Variants in NKAIN3 observed in about 807,000 individuals in gnomAD.
NKAIN3 encodes sodium/potassium transporting ATPase interacting 3.
A neutral mutation model predicts 30.2 loss-of-function variants in NKAIN3; 25 were observed. The ratio of observed to expected loss-of-function variants is 0.83; its 90% confidence interval spans 0.60 to 1.16. The LOEUF (loss-of-function observed/expected upper bound fraction) is 1.16. NKAIN3 is among the 50% of genes most tolerant of loss of function. The probability of loss-of-function intolerance (pLI) is 0.00; values close to 1 mark genes in which losing one functional copy is unlikely to be tolerated. For missense variants in NKAIN3, 225 were observed against 254.1 expected, an observed-to-expected ratio of 0.89 and a Z score of 0.78; for synonymous variants, 91 against 89.6, an observed-to-expected ratio of 1.02 and a Z score of -0.09.
At chr8:62,272,700 C>G (rs572083895) in intron 1 of NKAIN3, among the ~76,000 whole-genome samples, 1 of 152,300 alleles carries the variant, frequency 6.6e-6, no homozygotes, top group African/African-American at 2.4e-5. Context: ...TGCAGGTTGT[C>G]TCTGTCCCTG....
chr8:62,726,512 A>G (rs187860559), intron 3 of NKAIN3, among the ~76,000 whole-genome samples: 15 of 152,186 alleles, frequency 9.9e-5, no homozygotes, highest in Non-Finnish European at 1.3e-4. Flanking sequence ...GGAAGGATGT[A>G]GAATTTTATC....
chr8:62,583,849 G>C (rs1810389051), intron 2 of NKAIN3, among the ~76,000 whole-genome samples: 1 of 152,108 alleles, frequency 6.6e-6, no homozygotes, highest in Non-Finnish European at 1.5e-5. Context: ...TTATCTATTT[G>C]ATAAAAGTAC....
intron 3 of NKAIN3, among the ~76,000 whole-genome samples, chr8:62,686,818 A>C (rs892772274): frequency 3.9e-5 from 6 of 152,212 alleles, no homozygotes; most frequent in Non-Finnish European, 8.8e-5. Context: ...CACAAAGAAC[A>C]TTATAAATAT....
chr8:62,786,025 C>G (rs1053342253), intron 4 of NKAIN3, among the ~76,000 whole-genome samples: 3 of 152,046 alleles, frequency 2.0e-5, no homozygotes, highest in African/African-American at 7.2e-5. Flanking sequence ...TGCTTTCAGG[C>G]AAGTTGGTTC....
intron 1 of NKAIN3, among the ~76,000 whole-genome samples, chr8:62,331,991 G>A (rs1358301409): frequency 6.6e-6 from 1 of 152,056 alleles, no homozygotes; most frequent in Non-Finnish European, 1.5e-5. Context: ...ATCATGATCT[G>A]AATTCAAAGG....
intron 3 of NKAIN3, among the ~76,000 whole-genome samples, chr8:62,620,183 T>G (rs947241169): frequency 6.6e-6 from 1 of 152,118 alleles, no homozygotes. Context: ...CTGGGGAGAC[T>G]TAGCAAGGCC....
At chr8:62,360,189 T>A (rs1315632014) in intron 1 of NKAIN3, among the ~76,000 whole-genome samples, 1 of 152,236 alleles carries the variant, frequency 6.6e-6, no homozygotes, top group Non-Finnish European at 1.5e-5. Flanking sequence ...TTAGTGGTCA[T>A]CCCTGGTTCT....
At chr8:62,443,574 G>A (rs553568541) in intron 1 of NKAIN3, among the ~76,000 whole-genome samples, 1 of 151,708 alleles carries the variant, frequency 6.6e-6, no homozygotes, top group Non-Finnish European at 1.5e-5. Flanking sequence ...GTTCAGAAAG[G>A]GTTTCACCAT....
chr8:62,920,991 C>T (rs1422969938), intron 5 of NKAIN3, among the ~76,000 whole-genome samples: 1 of 152,126 alleles, frequency 6.6e-6, no homozygotes, highest in Admixed American at 6.6e-5. Context: ...CCAGGGTCTT[C>T]AGAAGGCAGA....
At chr8:62,407,241 C>A (rs1341627999) in intron 1 of NKAIN3, among the ~76,000 whole-genome samples, 1 of 150,684 alleles carries the variant, frequency 6.6e-6, no homozygotes, top group African/African-American at 2.5e-5. Context: ...TGTATATATA[C>A]AGCTATATGT....
chr8:62,596,065 G>A (rs370618418), intron 3 of NKAIN3, among the ~76,000 whole-genome samples: 1 of 152,174 alleles, frequency 6.6e-6, no homozygotes, highest in East Asian at 1.9e-4. Flanking sequence ...GCCTGATCCA[G>A]TAAATAATAA....
intron 1 of NKAIN3, among the ~76,000 whole-genome samples, chr8:62,437,864 C>T (rs199742734): frequency 5.9e-5 from 9 of 152,104 alleles, no homozygotes; most frequent in Admixed American, 4.6e-4. Context: ...GAGCAGTCAA[C>T]GATGGAAAAA....
chr8:62,857,746 T>C (rs1820105359), intron 4 of NKAIN3, among the ~76,000 whole-genome samples: 2 of 152,260 alleles, frequency 1.3e-5, no homozygotes, highest in Admixed American at 1.3e-4. Flanking sequence ...TGCATTGTTT[T>C]ATTATGATTT....
chr8:62,451,209 C>G (rs948327343), intron 1 of NKAIN3, among the ~76,000 whole-genome samples: 1 of 151,416 alleles, frequency 6.6e-6, no homozygotes, highest in African/African-American at 2.4e-5. Flanking sequence ...CATTGAATCG[C>G]CTTCTCTTCT....
intron 4 of NKAIN3, among the ~76,000 whole-genome samples, chr8:62,831,418 A>G (rs1021447630): frequency 6.6e-6 from 1 of 152,184 alleles, no homozygotes; most frequent in African/African-American, 2.4e-5. Context: ...TGAATAATTC[A>G]AAGCATGGAT....
chr8:62,363,878 A>C (rs917456787), intron 1 of NKAIN3, among the ~76,000 whole-genome samples: 15 of 152,196 alleles, frequency 9.9e-5, no homozygotes, highest in African/African-American at 3.6e-4. Context: ...GAAAAATATG[A>C]ATTACTTGTC....
chr8:62,850,971 AG>A (rs1819876626), intron 4 of NKAIN3, among the ~76,000 whole-genome samples: 1 of 152,022 alleles, frequency 6.6e-6, no homozygotes, highest in East Asian at 1.9e-4. Flanking sequence ...ACTTTAAAGT[AG>A]TTTTTTCCAA....
intron 1 of NKAIN3, among the ~76,000 whole-genome samples, chr8:62,480,536 A>ATT (rs1563417661): frequency 8.4e-5 from 11 of 131,298 alleles, no homozygotes; most frequent in Non-Finnish European, 1.5e-4. Context: ...TTGGATTAAA[A>ATT]AAAAAAAAAA....
intron 3 of NKAIN3, among the ~76,000 whole-genome samples, chr8:62,633,292 A>G (rs989841854): frequency 3.3e-5 from 5 of 152,344 alleles, no homozygotes; most frequent in African/African-American, 1.2e-4. Flanking sequence ...CTTATTTTCC[A>G]TATGACTATG....
Sources: gnomAD v4.1 joint callset for allele counts (sites outside exome capture counted in the v4.1 genomes callset) on GRCh38, gnomAD v4.1.1 for gene constraint, MANE v1.5 for transcripts, NCBI Gene and HGNC (gene_info 2026-07-23, HGNC 2026-07-21) for gene names.